Variants in RBPJ observed in about 807,000 individuals in gnomAD.
The protein encoded by RBPJ is recombining binding protein suppressor of hairless.
RBPJ carries 9 observed loss-of-function variants against 67.8 expected under a neutral mutation model. That is an observed-to-expected ratio of 0.13 (90% CI 0.08 to 0.23). The LOEUF (loss-of-function observed/expected upper bound fraction) is 0.23, where lower values mean the gene tolerates loss of function less well. Ranked by LOEUF, RBPJ falls within the 10% of genes least tolerant of loss-of-function variation. RBPJ has a pLI of 1.00. For synonymous variants in RBPJ, 198 were observed against 203.3 expected (o/e 0.97, Z 0.22); for missense variants, 305 against 595.6 (o/e 0.51, Z 5.08).
intron 1 of RBPJ, among the ~76,000 whole-genome samples, chr4:26,344,950 T>C (rs563783004): frequency 6.6e-6 from 1 of 152,386 alleles, no homozygotes; most frequent in East Asian, 1.9e-4. Flanking sequence ...TTGAATGTGC[T>C]GCTTAAAATG....
At chr4:26,406,146 G>A in intron 2 of RBPJ, 29 bp from the exon 3 acceptor site, 1 of 1,403,776 alleles carries the variant, frequency 7.1e-7, no homozygotes, top group East Asian at 2.3e-5. Context: ...TTTCACCTCT[G>A]TAACAGTAAT....
intron 1 of RBPJ, among the ~76,000 whole-genome samples, chr4:26,189,891 T>C (rs1432704512): frequency 6.6e-6 from 1 of 152,168 alleles, no homozygotes; most frequent in Non-Finnish European, 1.5e-5. Flanking sequence ...TAACAACTAA[T>C]AACAAGTCCT....
intron 1 of RBPJ, among the ~76,000 whole-genome samples, chr4:26,361,513 A>C (rs1024307587): frequency 1.4e-4 from 22 of 152,022 alleles, no homozygotes; most frequent in African/African-American, 5.3e-4. Context: ...GCTGTTCCAC[A>C]TGCCTAGAGT....
intron 1 of RBPJ, among the ~76,000 whole-genome samples, chr4:26,381,959 T>C (rs1358257376): frequency 1.3e-5 from 2 of 152,162 alleles, no homozygotes; most frequent in Non-Finnish European, 2.9e-5. Flanking sequence ...ATAAGTTGGG[T>C]AGTAGCAGCG....
At chr4:26,279,954 A>AT (rs1363755703) in intron 1 of RBPJ, among the ~76,000 whole-genome samples, 1 of 151,562 alleles carries the variant, frequency 6.6e-6, no homozygotes, top group East Asian at 2.0e-4. Flanking sequence ...CAACTGGCTA[A>AT]TTTTTGTAAT....
At chr4:26,294,608 A>C (rs1721798994) in intron 1 of RBPJ, among the ~76,000 whole-genome samples, 1 of 152,012 alleles carries the variant, frequency 6.6e-6, no homozygotes, top group Non-Finnish European at 1.5e-5. Flanking sequence ...GGCTGGGTGC[A>C]ATGGCTCATG....
the RBPJ span, among the ~76,000 whole-genome samples, chr4:26,134,422 C>T: frequency 5.9e-4 from 90 of 152,342 alleles, no homozygotes; most frequent in African/African-American, 2.0e-3. Flanking sequence ...CTTCTAAGCA[C>T]AGGCCCCGTG....
intron 1 of RBPJ, among the ~76,000 whole-genome samples, chr4:26,274,212 G>A (rs1721008597): frequency 6.6e-6 from 1 of 152,062 alleles, no homozygotes; most frequent in African/African-American, 2.4e-5. Context: ...CCTGCATCCC[G>A]AGCACCCACA....
At chr4:26,269,669 T>G (rs1720816021) in intron 1 of RBPJ, among the ~76,000 whole-genome samples, 1 of 152,266 alleles carries the variant, frequency 6.6e-6, no homozygotes, top group Middle Eastern at 3.4e-3. Flanking sequence ...CTCAATTCAT[T>G]CTTACAGCCT....
chr4:26,244,298 T>C (rs1374370468), intron 1 of RBPJ, among the ~76,000 whole-genome samples: 2 of 149,186 alleles, frequency 1.3e-5, no homozygotes, highest in Non-Finnish European at 3.0e-5. Flanking sequence ...TATACACATA[T>C]GTGTACACAT....
chr4:26,435,114 T>G (rs1736549896), downstream of RBPJ: 1 of 152,166 alleles, frequency 6.6e-6, no homozygotes, highest in Non-Finnish European at 1.5e-5. Context: ...TTAAAGAGAT[T>G]TTTTTTCCCT....
the RBPJ span, among the ~76,000 whole-genome samples, chr4:26,124,452 A>ATATATATATATG: frequency 9.9e-6 from 1 of 100,594 alleles, no homozygotes; most frequent in African/African-American, 3.5e-5. Context: ...ATATATATAT[A>ATATATATATATG]TATATATATA....
the RBPJ span, among the ~76,000 whole-genome samples, chr4:26,135,635 T>A: frequency 6.6e-6 from 1 of 152,134 alleles, no homozygotes. Context: ...TAAACTTCCC[T>A]CTGTCCTGTT....
the RBPJ span, among the ~76,000 whole-genome samples, chr4:26,107,771 A>G: frequency 1.3e-5 from 2 of 152,136 alleles, no homozygotes; most frequent in East Asian, 3.9e-4. Flanking sequence ...GATGGTGCAC[A>G]CCTGTAGTCC....
chr4:26,159,945 G>A (rs1716046981), upstream of RBPJ, among the ~76,000 whole-genome samples: 2 of 151,114 alleles, frequency 1.3e-5, 1 homozygote, highest in South Asian at 4.2e-4. Flanking sequence ...TTGAGACGGA[G>A]TCTCACTCTA....
intron 1 of RBPJ, among the ~76,000 whole-genome samples, chr4:26,202,824 G>T (rs1412924014): frequency 5.3e-5 from 8 of 151,746 alleles, no homozygotes; most frequent in Non-Finnish European, 1.2e-4. Context: ...CAGGAGAATC[G>T]CTTGAACCCA....
chr4:26,424,741 T>C lies in RBPJ; in HGVS notation c.745T>C (p.Leu249=), dbSNP rs779411023. 4.5e-6 allele frequency: 7 copies of C among 1,570,292 alleles called. No homozygotes were observed. Among genetic ancestry groups the C allele is most frequent in the East Asian group, 4.5e-5 (2 of 44,660 alleles). ...CSVTGMALPR[L]IIRKVDKQTA... is the part of the protein sequence containing the mutation. ...AGTTACTGGCATGGCACTCCCAAGA[T>C]TGGTATGGCTCTACTTTTGCTTTAG... The change falls in exon 7 of 11, where the codon TTG becomes CTG. Residue 249 remains leucine, a splice_region_variant and synonymous_variant. Transcript: ENST00000355476. This position sits in a 1 kb window ranked among gnomAD's most constrained non-coding sequence, Gnocchi z 5.3.
chr4:26,363,354 G>A (rs752058821), intron 1 of RBPJ, among the ~76,000 whole-genome samples: 2 of 152,170 alleles, frequency 1.3e-5, no homozygotes, highest in Admixed American at 6.5e-5. Flanking sequence ...TGGCCAGGCC[G>A]GTCTCGAACT....
At chr4:26,373,766 A>G (rs766602971) in intron 1 of RBPJ, among the ~76,000 whole-genome samples, 1 of 152,216 alleles carries the variant, frequency 6.6e-6, no homozygotes, top group Non-Finnish European at 1.5e-5. Context: ...GGAAAAATGC[A>G]AGAGAAATTG....
Sources: gnomAD v4.1 joint callset for allele counts (sites outside exome capture counted in the v4.1 genomes callset) on GRCh38, gnomAD v4.1.1 for gene constraint, Gnocchi (gnomAD v3.1) non-coding constraint, MANE v1.5 for transcripts, NCBI Gene and HGNC (gene_info 2026-07-23, HGNC 2026-07-21) for gene names.